Variants in FAM135B observed in about 807,000 individuals in gnomAD.
The protein encoded by FAM135B is protein FAM135B.
A neutral mutation model predicts 127.7 loss-of-function variants in FAM135B; 43 were observed. The observed-to-expected ratio is 0.34, with a 90% CI of 0.26 to 0.43. FAM135B has a LOEUF of 0.43. Ranked by LOEUF, FAM135B falls within the 20% of genes least tolerant of loss-of-function variation. The pLI, the probability that FAM135B is intolerant of heterozygous loss-of-function variation, is 1.00. For synonymous variants in FAM135B, 670 were observed against 665.1 expected (o/e 1.01, Z -0.11); for missense variants, 1,558 against 1,725.6 (o/e 0.90, Z 1.72).
intron 1 of FAM135B, among the ~76,000 whole-genome samples, chr8:138,420,666 T>C (rs925998029): frequency 2.0e-5 from 3 of 151,860 alleles, no homozygotes; most frequent in Non-Finnish European, 4.4e-5. Flanking sequence ...CTTTTTTTCC[T>C]AGGATGACAA....
At chr8:138,200,168 T>C (rs1271724562) in intron 7 of FAM135B, among the ~76,000 whole-genome samples, 1 of 152,232 alleles carries the variant, frequency 6.6e-6, no homozygotes, top group African/African-American at 2.4e-5. Context: ...CTCTGAAGTC[T>C]GGCCTTGGAT....
intron 9 of FAM135B, among the ~76,000 whole-genome samples, chr8:138,186,597 G>T (rs566437117): frequency 2.0e-5 from 3 of 152,048 alleles, no homozygotes; most frequent in African/African-American, 7.2e-5. Flanking sequence ...AGGAGTAGGC[G>T]GAAGCACACC....
rs115398338 is a variant in FAM135B, at chr8:138,171,289, C to G, written c.1104-3240G>C. On this transcript the variant is annotated intron_variant, in intron 11 of 19. Coordinates refer to ENST00000395297, the MANE Select transcript of FAM135B (RefSeq NM_015912.4). ...CAGGTGCTAATTGACTGAAGCAAGT[C>G]GGGGAGAAGTGTTCCAGGCAGGGAT... is the stretch of plus-strand genomic sequence containing the variant. 6.7e-3 allele frequency among the ~76,000 whole-genome samples: 1,024 copies of G among 152,236 alleles called. 9 individuals are homozygous for G. The highest frequency in any genetic ancestry group is 0.023 in the African/African-American group (940 of 41,552).
chr8:138,132,442 A>G lies in FAM135B; in HGVS notation c.*151T>C. 2 of 662,866 alleles carry G rather than the reference A, an allele frequency of 3.0e-6. No homozygotes were observed. Among genetic ancestry groups the G allele is most frequent in the Non-Finnish European group, 5.3e-6 (2 of 378,656 alleles). 41.1% of individuals were successfully genotyped at this position (662,866 alleles called of 1,614,324 possible). On this transcript the variant is annotated 3_prime_UTR_variant, in exon 20 of 20. Transcript: ENST00000395297. The surrounding 1 kb of genome is among the most constrained non-coding windows in gnomAD (Gnocchi z 4.5). ...TCAGCTTTCTCGAATCTCCAAAACAAAAGCACCTCTCATGTCAGGTTCCAC... is the reference window on the plus strand; with the variant it reads ...TCAGCTTTCTCGAATCTCCAAAACAGAAGCACCTCTCATGTCAGGTTCCAC...
chr8:138,296,459 C>G (rs1825490388), intron 3 of FAM135B, among the ~76,000 whole-genome samples: 1 of 152,088 alleles, frequency 6.6e-6, no homozygotes, highest in African/African-American at 2.4e-5. Context: ...TCCCAGCCCC[C>G]CAACTCAATC....
At chr8:138,439,045 A>C (rs1002940709) in intron 1 of FAM135B, 1 of 152,144 alleles carries the variant, frequency 6.6e-6, no homozygotes, top group African/African-American at 2.4e-5. Flanking sequence ...GACATCTCTC[A>C]CCAGGCTATT....
chr8:138,279,696 T>C (rs1824114062), intron 3 of FAM135B, among the ~76,000 whole-genome samples: 1 of 152,228 alleles, frequency 6.6e-6, no homozygotes. Flanking sequence ...TTTATTCATC[T>C]AGCTTTACAC....
At chr8:138,395,844 G>A (rs1316829798) in intron 1 of FAM135B, among the ~76,000 whole-genome samples, 1 of 152,182 alleles carries the variant, frequency 6.6e-6, no homozygotes, top group Non-Finnish European at 1.5e-5. Flanking sequence ...TATCTGCAAA[G>A]CGAGAATAAT....
intron 1 of FAM135B, among the ~76,000 whole-genome samples, chr8:138,452,307 G>C (rs773436232): frequency 1.3e-5 from 2 of 151,880 alleles, no homozygotes; most frequent in Non-Finnish European, 2.9e-5. Flanking sequence ...TTTTAGTAGA[G>C]ATGGGGTTTC....
At chr8:138,405,379 A>G (rs1426304590) in intron 1 of FAM135B, among the ~76,000 whole-genome samples, 1 of 106,888 alleles carries the variant, frequency 9.4e-6, no homozygotes, top group Non-Finnish European at 1.8e-5. Context: ...CCACCCCACA[A>G]CAGTCCCCAG....
intron 19 of FAM135B, 115 bp downstream of exon 19, chr8:138,137,027 CTAAGA>C (rs1469309221): frequency 6.1e-6 from 4 of 651,616 alleles, no homozygotes; most frequent in Non-Finnish European, 1.1e-5. Flanking sequence ...TATCACTAAG[CTAAGA>C]TAAATGCAGC....
chr8:138,405,091 C>T (rs543974038), intron 1 of FAM135B, among the ~76,000 whole-genome samples: 3 of 152,142 alleles, frequency 2.0e-5, no homozygotes, highest in Non-Finnish European at 2.9e-5. Flanking sequence ...GTCAAAATTA[C>T]CCCCTGATCC....
chr8:138,466,826 G>A (rs567827799), intron 1 of FAM135B, among the ~76,000 whole-genome samples: 1 of 152,258 alleles, frequency 6.6e-6, no homozygotes, highest in African/African-American at 2.4e-5. Context: ...CGGTTAAAAG[G>A]TTTTTTATTT....
chr8:138,148,644 A>T lies in FAM135B; in HGVS notation c.3324T>A (p.Ile1108=), dbSNP rs2130693553. The T allele has an allele frequency of 6.2e-7, 1 of 1,609,092 alleles. No individual in the cohort carries two copies. The highest frequency in any genetic ancestry group is 8.5e-7 in the Non-Finnish European group (1 of 1,177,752). ...TTAAGTCACTGTACAGAAATCCTTC[A>T]ATCTTCAGTTCTTTTTTAAATTTTT... The part of the protein sequence containing the change: ...AKEKFKKELK[I]EGFLYSDLTV... The change falls in exon 14 of 20, where the codon ATT becomes ATA. Residue 1108 remains isoleucine (I), a synonymous_variant. Transcript: ENST00000395297.
At chr8:138,464,428 G>A (rs1368852638) in intron 1 of FAM135B, among the ~76,000 whole-genome samples, 1 of 152,136 alleles carries the variant, frequency 6.6e-6, no homozygotes, top group Non-Finnish European at 1.5e-5. Context: ...AGGATGCCAA[G>A]AGAGAAAAAC....
chr8:138,430,247 T>C (rs73717265), intron 1 of FAM135B, among the ~76,000 whole-genome samples: 2,540 of 152,268 alleles, frequency 0.017, 29 homozygotes, highest in African/African-American at 0.04. Context: ...TTGATAACAA[T>C]AGTCACTACT....
chr8:138,302,590 G>T (rs1386474296), intron 3 of FAM135B, among the ~76,000 whole-genome samples: 1 of 151,884 alleles, frequency 6.6e-6, no homozygotes, highest in Non-Finnish European at 1.5e-5. Context: ...ATTTTGAGCA[G>T]ATGAAGATTT....
At chr8:138,323,704 G>A (rs1413205737) in intron 2 of FAM135B, among the ~76,000 whole-genome samples, 2 of 152,160 alleles carry the variant, frequency 1.3e-5, no homozygotes, top group East Asian at 3.9e-4. Flanking sequence ...CTTACTGTGG[G>A]ATCTGATTGC....
intron 3 of FAM135B, 84 bp from the exon 4 acceptor site, chr8:138,265,926 G>C: frequency 7.0e-7 from 1 of 1,427,962 alleles, no homozygotes; most frequent in Non-Finnish European, 9.4e-7. Flanking sequence ...TCCTGCTCAA[G>C]TAGGCTAATG....
Sources: gnomAD v4.1 joint callset for allele counts (sites outside exome capture counted in the v4.1 genomes callset) on GRCh38, gnomAD v4.1.1 for gene constraint, Gnocchi (gnomAD v3.1) non-coding constraint, MANE v1.5 for transcripts, NCBI Gene and HGNC (gene_info 2026-07-23, HGNC 2026-07-21) for gene names.